The following ARHGEF12 variants were observed in gnomAD, a reference collection of about 807,000 sequenced individuals.
ARHGEF12 encodes KMT2A/ARHGEF12 fusion protein.
Under a neutral mutation model 211.2 loss-of-function variants are expected in ARHGEF12, and 66 were observed. The ratio of observed to expected loss-of-function variants is 0.31; its 90% CI spans 0.26 to 0.38. The LOEUF (loss-of-function observed/expected upper bound fraction) is 0.38. Ranked by LOEUF, ARHGEF12 falls within the 10% of genes least tolerant of loss-of-function variation. The probability of loss-of-function intolerance (pLI) is 1.00; values close to 1 mark genes in which losing one functional copy is unlikely to be tolerated. For synonymous variants in ARHGEF12, 592 were observed against 638.4 expected, an observed-to-expected ratio of 0.93 and a Z score of 1.09; for missense variants, 1,429 against 1,869.5, an observed-to-expected ratio of 0.76 and a Z score of 4.34.
Position 120,454,572 on chromosome 11 carries a change from G to A in ARHGEF12, c.2057-2546G>A, listed in dbSNP as rs560631041. Among the ~76,000 whole-genome samples, 18 of 152,262 alleles carry A rather than the reference G, an allele frequency of 1.2e-4. No individual in the cohort carries two copies. In the East Asian group the frequency reaches 3.3e-3, roughly 28 times the overall value. On this transcript the variant is annotated intron_variant, in intron 22 of 40. Coordinates refer to ENST00000397843, the MANE Select transcript of ARHGEF12 (RefSeq NM_015313.3). ...AAAAAAAATTTATCTCGACTTTTTG[G>A]TGGATGAAGGACTCCAGAGCAGCTT... is the stretch of plus-strand genomic sequence containing the variant.
intron 1 of ARHGEF12, among the ~76,000 whole-genome samples, chr11:120,375,302 C>T (rs566860679): frequency 2.0e-4 from 30 of 152,214 alleles, no homozygotes; most frequent in African/African-American, 7.0e-4. Context: ...AGATTGACGT[C>T]AGAACACCAG....
intron 37 of ARHGEF12, among the ~76,000 whole-genome samples, chr11:120,479,684 T>G (rs12362794): frequency 0.21 from 32,285 of 152,114 alleles, 3,628 homozygotes; most frequent in Middle Eastern, 0.24. Flanking sequence ...TTCTAAATAG[T>G]AGTATCTCCC....
chr11:120,410,339 G>A (rs1944844203), intron 4 of ARHGEF12: 1 of 150,796 alleles, frequency 6.6e-6, no homozygotes, highest in South Asian at 2.1e-4. Context: ...GTGAATAAGA[G>A]AGGAATTACC....
intron 39 of ARHGEF12, among the ~76,000 whole-genome samples, chr11:120,482,437 A>G (rs1947274089): frequency 2.0e-5 from 3 of 152,080 alleles, no homozygotes; most frequent in South Asian, 2.1e-4. Flanking sequence ...TTCCAAGAGA[A>G]AGACCTATCT....
chr11:120,346,954 T>C (rs1942746891), intron 1 of ARHGEF12, among the ~76,000 whole-genome samples: 1 of 152,206 alleles, frequency 6.6e-6, no homozygotes, highest in Non-Finnish European at 1.5e-5. Flanking sequence ...TATTACTGTC[T>C]GATAGGGTGA....
chr11:120,483,309 G>A (rs1947306757), intron 39 of ARHGEF12, among the ~76,000 whole-genome samples: 1 of 130,618 alleles, frequency 7.7e-6, no homozygotes, highest in African/African-American at 2.9e-5. Flanking sequence ...CACCCAGGCT[G>A]GAGTGCAGTG....
chr11:120,344,725 TCTC>T (rs894764915), intron 1 of ARHGEF12, among the ~76,000 whole-genome samples: 1 of 152,256 alleles, frequency 6.6e-6, no homozygotes, highest in Non-Finnish European at 1.5e-5. Context: ...TATCACTACT[TCTC>T]AGGTGATATG....
chr11:120,391,598 C>G (rs1944218958), intron 1 of ARHGEF12, among the ~76,000 whole-genome samples: 1 of 152,220 alleles, frequency 6.6e-6, no homozygotes, highest in Admixed American at 6.5e-5. Flanking sequence ...TGTGTTAGAA[C>G]AAGGCTGAAA....
At chr11:120,480,469 G>T in intron 38 of ARHGEF12, 39 bp downstream of exon 38, 1 of 1,559,980 alleles carries the variant, frequency 6.4e-7, no homozygotes, top group South Asian at 1.2e-5. Flanking sequence ...TTTTGATTTT[G>T]ATCATTGTTA....
In ARHGEF12 at chr11:120,448,086, C is replaced by G. The variant is rs963895826; in HGVS notation, c.1623-148C>G. On this transcript the variant is annotated intron_variant, in intron 19 of 40. Transcript: ENST00000397843. ...CTGTTGTCCTGAGTAGAATTCTCTT[C>G]TCTGTGCAATGACTAGTTAGTTCTT... is the stretch of plus-strand genomic sequence containing the variant. 28 of 751,540 alleles carry G rather than the reference C, an allele frequency of 3.7e-5. No homozygotes were observed. In the African/African-American group the frequency reaches 4.4e-4, roughly 12 times the overall value. 46.6% of individuals were successfully genotyped at this position (751,540 alleles called of 1,614,324 possible). A position where few individuals can be genotyped will look rare whatever the true frequency, so the allele number is the denominator to read the frequency against.
chr11:120,443,222 G>A (rs1173004844), intron 15 of ARHGEF12, among the ~76,000 whole-genome samples: 10 of 151,970 alleles, frequency 6.6e-5, no homozygotes, highest in Admixed American at 5.2e-4. Context: ...GTTTCGCCAT[G>A]TTGCCCAGGC....
At chr11:120,479,301 G>A (rs2135998883) in intron 37 of ARHGEF12, among the ~76,000 whole-genome samples, 1 of 152,288 alleles carries the variant, frequency 6.6e-6, no homozygotes, top group East Asian at 1.9e-4. Flanking sequence ...TTAAGCTAGT[G>A]ATGAGAGCAG....
chr11:120,426,993 C>T (rs1235960652), intron 7 of ARHGEF12, among the ~76,000 whole-genome samples: 1 of 152,130 alleles, frequency 6.6e-6, no homozygotes, highest in African/African-American at 2.4e-5. Context: ...TCTCCTGCCT[C>T]AGCTTCCCTA....
At chr11:120,478,123 G>T (rs1256158662) in intron 36 of ARHGEF12, 33 bp from the exon 37 acceptor site, 5 of 1,440,054 alleles carry the variant, frequency 3.5e-6, no homozygotes, top group South Asian at 1.2e-5. Context: ...GCTTTGTTTA[G>T]ATATAGTCTA....
At chr11:120,385,934 C>CTCTT (rs1944018055) in intron 1 of ARHGEF12, among the ~76,000 whole-genome samples, 4 of 152,034 alleles carry the variant, frequency 2.6e-5, no homozygotes, top group African/African-American at 9.6e-5. Flanking sequence ...ACCCAAGAGA[C>CTCTT]CATGGATGGG....
intron 1 of ARHGEF12, among the ~76,000 whole-genome samples, chr11:120,340,931 A>G (rs1185413890): frequency 6.6e-6 from 1 of 152,226 alleles, no homozygotes; most frequent in Non-Finnish European, 1.5e-5. Context: ...GTACATTTAT[A>G]TGATGTTCAT....
At chr11:120,457,646 C>T (rs756198621) in intron 23 of ARHGEF12, 75 bp from the exon 24 acceptor site, 1 of 1,129,922 alleles carries the variant, frequency 8.9e-7, no homozygotes, top group African/African-American at 1.5e-5. Context: ...TTTAACCTAG[C>T]TTTGAGTATC....
At chr11:120,469,498 G>A (rs1212676033) in intron 30 of ARHGEF12, 110 bp downstream of exon 30, 2 of 883,264 alleles carry the variant, frequency 2.3e-6, no homozygotes, top group Non-Finnish European at 3.4e-6. Flanking sequence ...AATGGACAGG[G>A]AGAACATTTG....
chr11:120,453,704 TG>T (rs965665629), intron 22 of ARHGEF12, among the ~76,000 whole-genome samples: 87 of 152,174 alleles, frequency 5.7e-4, no homozygotes, highest in Non-Finnish European at 2.1e-4. Flanking sequence ...GATGACAGAA[TG>T]AGACCCTATC....
Sources: gnomAD v4.1 joint callset for allele counts (sites outside exome capture counted in the v4.1 genomes callset) on GRCh38, gnomAD v4.1.1 for gene constraint, MANE v1.5 for transcripts, NCBI Gene and HGNC (gene_info 2026-07-23, HGNC 2026-07-21) for gene names.